ZNF3: variants seen among roughly 807,000 people sequenced by gnomAD.
ZNF3 encodes C2-H2 type zinc finger protein.
In ZNF3, 16 loss-of-function variants were observed where a neutral mutation model predicts 36.9. The observed-to-expected ratio is 0.43, with a 90% confidence interval of 0.29 to 0.66. The LOEUF is 0.66. ZNF3 is among the 30% of genes least tolerant of loss of function. The pLI is 0.13. For synonymous variants in ZNF3, 201 were observed against 201.9 expected (o/e 1.00, Z 0.04); for missense variants, 462 against 543.1 (o/e 0.85, Z 1.48).
downstream of ZNF3, chr7:100,063,886 A>G (rs1792477558): frequency 4.3e-6 from 7 of 1,614,184 alleles, no homozygotes; most frequent in Non-Finnish European, 5.9e-6. Context: ...GATTATCGCC[A>G]ATAAACCTGA....
At position 100,071,489 on chromosome 7, in the gene ZNF3, C is replaced by A. The variant is rs988590232; in HGVS notation, c.995G>T (p.Arg332Ile). ...ATAGGGTTTTTCTCCAGTGTGGATT[C>A]TCTGATGGTGAATAAGGGTTGAGCT... ...SRSSTLIHHQRIHTGEKPYEC... is the reference protein window; with the variant it reads ...SRSSTLIHHQIIHTGEKPYEC... The change falls in exon 6 of 6, where the codon AGA becomes ATA. Residue 332 changes from arginine (R) to isoleucine (I), a missense_variant. Physicochemically the swap from Arg to Ile is moderately conservative, Grantham distance 97. Coordinates refer to ENST00000299667, the MANE Select transcript of ZNF3 (RefSeq NM_032924.5). 2.7e-5 allele frequency: 44 copies of A among 1,614,078 alleles called. No homozygotes were observed. The highest frequency in any genetic ancestry group is 3.5e-5 in the Non-Finnish European group (41 of 1,180,028).
chr7:100,071,913 G>T lies in ZNF3; in HGVS notation c.571C>A (p.Gln191Lys), dbSNP rs1485009784. The part of the protein sequence containing the change: ...FTVNSNLISH[Q>K]RLPVGDRPHK... Reference sequence around the variant, plus strand: ...GGTCTGTCTCCCACGGGGAGTCTCTGATGTGAGATAAGGTTGGAATTCACA... The same window carrying T: ...GGTCTGTCTCCCACGGGGAGTCTCTTATGTGAGATAAGGTTGGAATTCACA... Residue 191 changes from glutamine to lysine, a missense_variant, in exon 6 of 6, where the codon CAG becomes AAG. Gln to Lys is a moderately conservative substitution (Grantham distance 53). Transcript: ENST00000299667. The T allele has an allele frequency of 6.2e-7, 1 of 1,614,236 alleles. No individual in the cohort carries two copies. Among genetic ancestry groups the T allele is most frequent in the Admixed American group, 1.7e-5 (1 of 60,026 alleles).
chr7:100,066,200 C>G (rs956766327), downstream of ZNF3, among the ~76,000 whole-genome samples: 6 of 152,034 alleles, frequency 3.9e-5, no homozygotes, highest in Admixed American at 1.3e-4. Flanking sequence ...TTATACAAAT[C>G]AAAGCCTTAT....
In ZNF3 at chr7:100,071,583, G is replaced by T; in HGVS notation, c.901C>A (p.His301Asn). Residue 301 changes from histidine to asparagine, a missense_variant, in exon 6 of 6, where the codon CAC (histidine) becomes AAC (asparagine). His to Asn is a moderately conservative substitution (Grantham distance 68). Coordinates refer to ENST00000299667, the MANE Select transcript of ZNF3 (RefSeq NM_032924.5). The stretch of plus-strand genomic sequence containing the variant: ...TCACCAGTGTGGATTCTCTGATGGT[G>T]GGTGAGGGTGGAGCTCCAGCTGAAG... Reference protein sequence around the residue: ...KTFSWSSTLTHHQRIHTGEKP... With the variant: ...KTFSWSSTLTNHQRIHTGEKP... 6.2e-7 allele frequency: 1 copy of T among 1,614,056 alleles called. No individual in the cohort carries two copies. Among genetic ancestry groups the T allele is most frequent in the Non-Finnish European group, 8.5e-7 (1 of 1,180,000 alleles).
At chr7:100,072,327 G>A in intron 5 of ZNF3, 115 bp from the exon 6 acceptor site, 1 of 960,700 alleles carries the variant, frequency 1.0e-6, no homozygotes, top group Non-Finnish European at 1.5e-6. Context: ...TGCCTACAAA[G>A]AGGCCTGCCC....
chr7:100,064,737 G>A, exon 6 of ZNF3: 1 of 1,613,160 alleles, frequency 6.2e-7, no homozygotes, highest in Non-Finnish European at 8.5e-7. Flanking sequence ...TCAACATCAG[G>A]GGATGCCTGA....
At chr7:100,065,010 A>T, downstream of ZNF3, 1 of 1,471,486 alleles carries the variant, frequency 6.8e-7, no homozygotes, top group Middle Eastern at 1.8e-4. Flanking sequence ...CAATTGAATG[A>T]GATTCAGAAT....
intron 5 of ZNF3, 97 bp downstream of exon 5, chr7:100,075,038 C>G (rs1193695105): frequency 3.4e-6 from 5 of 1,461,054 alleles, no homozygotes; most frequent in Non-Finnish European, 4.6e-6. Context: ...AAAAAAAAAT[C>G]TGCTGAAACA....
downstream of ZNF3, chr7:100,063,952 C>T (rs1335303106): frequency 6.2e-7 from 1 of 1,614,130 alleles, no homozygotes; most frequent in Non-Finnish European, 8.5e-7. Context: ...AACAAAACCC[C>T]CTCTTCAAGA....
At position 100,070,159 on chromosome 7, in the gene ZNF3, T is replaced by G. The variant is rs1168991781; in HGVS notation, c.*984A>C. 3.1e-6 allele frequency: 3 copies of G among 966,390 alleles called. No homozygotes were observed. The highest frequency in any genetic ancestry group is 3.6e-6 in the Non-Finnish European group (3 of 823,096). 59.9% of individuals were successfully genotyped at this position (966,390 alleles called of 1,614,324 possible). The stretch of plus-strand genomic sequence containing the variant: ...GCCTTCTCTGGGCTTCGTTTTTTTG[T>G]TTTTTTGTTTTTTTTTTCTCCCTTT... On this transcript the variant is annotated 3_prime_UTR_variant, in exon 6 of 6. Coordinates refer to ENST00000299667, the MANE Select transcript of ZNF3 (RefSeq NM_032924.5).
chr7:100,066,626 A>C (rs185622294), downstream of ZNF3, among the ~76,000 whole-genome samples: 1,996 of 151,368 alleles, frequency 0.013, 22 homozygotes, highest in Non-Finnish European at 0.021. Flanking sequence ...AGTCCCAGCT[A>C]CTCCGGAGGC....
At chr7:100,072,614 G>T (rs562848611) in intron 5 of ZNF3, among the ~76,000 whole-genome samples, 3 of 152,186 alleles carry the variant, frequency 2.0e-5, no homozygotes, top group Non-Finnish European at 4.4e-5. Flanking sequence ...AGGACAGTTG[G>T]TGAGAAAAGG....
chr7:100,068,573 T>C (rs2116220600), downstream of ZNF3, among the ~76,000 whole-genome samples: 1 of 150,986 alleles, frequency 6.6e-6, no homozygotes, highest in South Asian at 2.1e-4. Flanking sequence ...CTAGTGAGGC[T>C]GAGGTTGCAG....
intron 2 of ZNF3, 125 bp from the exon 3 acceptor site, chr7:100,077,558 G>T: frequency 1.2e-6 from 1 of 827,730 alleles, no homozygotes; most frequent in South Asian, 2.6e-5. Context: ...ACTGGGACTA[G>T]TCTTTTATTT....
At chr7:100,078,769 T>C (rs1438262198) in intron 2 of ZNF3, 1 of 152,124 alleles carries the variant, frequency 6.6e-6, no homozygotes, top group East Asian at 1.9e-4. Context: ...TTTGCTCACA[T>C]AGCAAATGTT....
intron 3 of ZNF3, 91 bp downstream of exon 3, chr7:100,077,212 A>G (rs1794269989): frequency 6.7e-7 from 1 of 1,498,234 alleles, no homozygotes; most frequent in Non-Finnish European, 9.3e-7. Flanking sequence ...TCTGGATTCT[A>G]GTAGTTAGCC....
At position 100,075,175 on chromosome 7, in the gene ZNF3, T is replaced by G; in HGVS notation, c.231A>C (p.Arg77Ser). The change falls in exon 5 of 6, where the codon AGA becomes AGC. Residue 77 changes from arginine (R) to serine (S), a missense_variant. Transcript: ENST00000299667. ...RLEPAQRDLY[R>S]DVMLENYGNV... The stretch of plus-strand genomic sequence containing the variant: ...TCCCGTAATTCTCCAGCATCACATC[T>G]CTATAGAGGTCCCTCTGAGCAGGTT... 2 of 1,613,956 alleles carry G rather than the reference T, an allele frequency of 1.2e-6. No homozygotes were observed. The highest frequency in any genetic ancestry group is 1.7e-6 in the Non-Finnish European group (2 of 1,179,858).
At position 100,072,164 on chromosome 7, in the gene ZNF3, C is replaced by A; in HGVS notation, c.320G>T (p.Arg107Ile). ...TCTTCCCAGTAGGACCCCATGTGAT[C>A]TTGTGTCTTCAGAAATTTCTTGATC... is the stretch of plus-strand genomic sequence containing the variant. ...ENDQEISEDT[R>I]SHGVLLGRFQ... The change falls in exon 6 of 6, where the codon AGA becomes ATA. Residue 107 changes from arginine to isoleucine, a missense_variant. Arg to Ile is a moderately conservative substitution (Grantham distance 97). Coordinates refer to ENST00000299667, the MANE Select transcript of ZNF3 (RefSeq NM_032924.5). 6.2e-7 allele frequency: 1 copy of A among 1,600,032 alleles called. No individual in the cohort carries two copies. Among genetic ancestry groups the A allele is most frequent in the Admixed American group, 1.8e-5 (1 of 55,594 alleles).
downstream of ZNF3, chr7:100,063,860 G>A (rs181156018): frequency 2.5e-6 from 4 of 1,614,084 alleles, no homozygotes; most frequent in African/African-American, 5.3e-5. Flanking sequence ...GGGCTCAAAG[G>A]GGATATAATT....
Sources: allele counts gnomAD v4.1 joint callset (sites outside exome capture counted in the v4.1 genomes callset), GRCh38; gene constraint gnomAD v4.1.1; transcripts MANE v1.5; gene names NCBI Gene and HGNC (gene_info 2026-07-23, HGNC 2026-07-21).